DLG4: variants seen among roughly 807,000 people sequenced by gnomAD.
DLG4 encodes disks large homolog 4.
In DLG4, 7 loss-of-function variants were observed where a neutral mutation model predicts 93.8. The ratio of observed to expected loss-of-function variants is 0.07; its 90% CI spans 0.04 to 0.14. DLG4 has a LOEUF of 0.14. Ranked by LOEUF, DLG4 falls within the 10% of genes least tolerant of loss-of-function variation. The probability of loss-of-function intolerance (pLI) is 1.00; values close to 1 mark genes in which losing one functional copy is unlikely to be tolerated. For missense variants in DLG4, 545 were observed against 992.9 expected, an observed-to-expected ratio of 0.55 and a Z score of 6.06; for synonymous variants, 341 against 387.6, an observed-to-expected ratio of 0.88 and a Z score of 1.41.
At position 7,191,774 on chromosome 17, in the gene DLG4, A is replaced by AG. The variant is rs1238003835; in HGVS notation, c.1976+118dup. 2.1e-5 allele frequency: 15 copies of AG among 710,288 alleles called. No individual in the cohort carries two copies. Among genetic ancestry groups the AG allele is most frequent in the African/African-American group, 1.1e-4 (6 of 56,786 alleles). 44.0% of individuals were successfully genotyped at this position (710,288 alleles called of 1,614,324 possible). ...CCTCTGGGTTCCAGGGATCCCCCTC[A>AG]GGGGCTGCTGAAACCGCTGTCCAGG... On this transcript the variant is annotated intron_variant, in intron 18 of 19. Transcript: ENST00000399506. The surrounding 1 kb of genome is among the most constrained non-coding windows in gnomAD (Gnocchi z 6.6).
At chr17:7,215,756 G>A (rs889010186) in intron 1 of DLG4, among the ~76,000 whole-genome samples, 4 of 152,094 alleles carry the variant, frequency 2.6e-5, no homozygotes, top group Non-Finnish European at 5.9e-5. Flanking sequence ...GTACACACAT[G>A]TGTGAGTTTG....
In DLG4 at chr17:7,203,229, C is replaced by T; in HGVS notation, c.606G>A (p.Lys202=). The change falls in exon 7 of 20, where the codon AAG becomes AAA. Residue 202 remains lysine (K), a synonymous_variant. Coordinates refer to ENST00000399506, the MANE Select transcript of DLG4 (RefSeq NM_001321075.3). The surrounding 1 kb of genome is among the most constrained non-coding windows in gnomAD (Gnocchi z 7.2). ...TGTCTCCAATCTGCAACCTCCCATCCTTGTGGGCAGCACCCCCTTCGATGA... is the reference window on the plus strand; with the variant it reads ...TGTCTCCAATCTGCAACCTCCCATCTTTGTGGGCAGCACCCCCTTCGATGA... The part of the protein sequence containing the change: ...TKIIEGGAAH[K]DGRLQIGDKI... 4 of 1,609,358 alleles carry T rather than the reference C, an allele frequency of 2.5e-6. No individual in the cohort carries two copies. The highest frequency in any genetic ancestry group is 3.3e-5 in the Admixed American group (2 of 59,892).
At position 7,189,260 on chromosome 17, in the gene DLG4, G is replaced by A. The variant is rs536811818; in HGVS notation, c.*1448C>T. Among the ~76,000 whole-genome samples, 1 of 151,938 alleles carries A rather than the reference G, an allele frequency of 6.6e-6. No homozygotes were observed. The highest frequency in any genetic ancestry group is 2.4e-5 in the African/African-American group (1 of 41,446). On this transcript the variant is annotated 3_prime_UTR_variant, in exon 20 of 20. Transcript: ENST00000399506. The stretch of plus-strand genomic sequence containing the variant: ...TAATCCCAGCACTTTGGGAGGCTGA[G>A]GCGGGTGGATAACAAGGTCAGGAGT...
At chr17:7,211,833 GGGGGT>G (rs1265554370) in intron 1 of DLG4, 12 of 21,430 alleles carry the variant, frequency 5.6e-4, no homozygotes, top group South Asian at 3.0e-3. Context: ...GGGGGGGGGG[GGGGGT>G]GACGGCGCCT....
At chr17:7,192,772 G>A (rs576074155) in intron 17 of DLG4, among the ~76,000 whole-genome samples, 173 bp downstream of exon 17, 74 of 152,042 alleles carry the variant, frequency 4.9e-4, no homozygotes, top group African/African-American at 1.7e-3. Flanking sequence ...GAGAGCAGGG[G>A]CAGAGAGCAG....
rs776566644 is a variant in DLG4, at chr17:7,203,898, C to G, written c.211-82G>C. ...AAGTGGGGTGGGAAATGGCTTGGAG[C>G]AGCCAGAGGAGGAAGGCACAGGGTG... On this transcript the variant is annotated intron_variant, in intron 4 of 19. Coordinates refer to ENST00000399506, the MANE Select transcript of DLG4 (RefSeq NM_001321075.3). The surrounding 1 kb of genome is among the most constrained non-coding windows in gnomAD (Gnocchi z 7.2). The G allele has an allele frequency of 1.3e-5, 21 of 1,591,970 alleles. No homozygotes were observed. Among genetic ancestry groups the G allele is most frequent in the Non-Finnish European group, 1.7e-5 (20 of 1,168,942 alleles).
At chr17:7,219,271 C>A, upstream of DLG4, 1 of 520,204 alleles carries the variant, frequency 1.9e-6, no homozygotes. Context: ...CAGTTCCTCT[C>A]AGGCCCGGGA....
Position 7,190,366 on chromosome 17 carries a change from ATG to A in DLG4, c.*340_*341del, listed in dbSNP as rs1020298629. ...CCTCGAGGGGGCCCTGACTTCTGGAATGTGTGTGGGAGAGGATGGGGGAGGGC... is the reference window on the plus strand; with the variant it reads ...CCTCGAGGGGGCCCTGACTTCTGGAATGTGTGGGAGAGGATGGGGGAGGGC... On this transcript the variant is annotated 3_prime_UTR_variant, in exon 20 of 20. Coordinates refer to ENST00000399506, the MANE Select transcript of DLG4 (RefSeq NM_001321075.3). 9.4e-6 allele frequency: 3 copies of A among 317,932 alleles called. No homozygotes were observed. In the Admixed American group the frequency reaches 1.2e-4, roughly 13 times the overall value. 19.7% of individuals were successfully genotyped at this position (317,932 alleles called of 1,614,324 possible).
upstream of DLG4, chr17:7,219,536 T>C: frequency 9.3e-7 from 1 of 1,077,446 alleles, no homozygotes. Context: ...CCGAGATAGA[T>C]TTCATCAGGA....
At chr17:7,215,056 T>C (rs1489173739) in intron 1 of DLG4, among the ~76,000 whole-genome samples, 1 of 152,182 alleles carries the variant, frequency 6.6e-6, no homozygotes, top group Non-Finnish European at 1.5e-5. Flanking sequence ...CAGGCTCCTC[T>C]TGGGCTACCC....
upstream of DLG4, chr17:7,219,637 G>A (rs79809891): frequency 5.5e-3 from 6,815 of 1,239,582 alleles, 316 homozygotes; most frequent in African/African-American, 0.096. Context: ...CACCGGAGAA[G>A]CCCTCCCTTC....
In DLG4 at chr17:7,195,723, C is replaced by T. The variant is rs746885932; in HGVS notation, c.1301+497G>A. On this transcript the variant is annotated intron_variant, in intron 11 of 19. Coordinates refer to ENST00000399506, the MANE Select transcript of DLG4 (RefSeq NM_001321075.3). This position sits in a 1 kb window ranked among gnomAD's most constrained non-coding sequence, Gnocchi z 4.3. ...GAAGTGGAGGGGTGACCCCCGGGGG[C>T]GGGAGAGAGGTGTGTTTTGGCAGAA... Among the ~76,000 whole-genome samples, 6 of 151,856 alleles carry T rather than the reference C, an allele frequency of 4.0e-5. No individual in the cohort carries two copies. Among genetic ancestry groups the T allele is most frequent in the Non-Finnish European group, 8.8e-5 (6 of 67,986 alleles).
In DLG4 at chr17:7,217,172, G is replaced by A; in HGVS notation, c.-25C>T. The A allele has an allele frequency of 7.0e-6, 9 of 1,284,836 alleles. No homozygotes were observed. Among genetic ancestry groups the A allele is most frequent in the Non-Finnish European group, 8.9e-6 (9 of 1,011,892 alleles). The allele number at this position is 1,284,836 out of a possible 1,614,324, so 79.6% of individuals were successfully genotyped here. A position where few individuals can be genotyped will look rare whatever the true frequency, so the allele number is the denominator to read the frequency against. Reference sequence around the variant, plus strand: ...TGTTGGGGGGCCTGGCCGCGGCGGCGGGTAAGGGGCTCTGACTTCATCGGA... The same window carrying A: ...TGTTGGGGGGCCTGGCCGCGGCGGCAGGTAAGGGGCTCTGACTTCATCGGA... On this transcript the variant is annotated 5_prime_UTR_variant, in exon 1 of 20. Transcript: ENST00000399506.
intron 1 of DLG4, among the ~76,000 whole-genome samples, chr17:7,210,915 A>G (rs1211173098): frequency 1.3e-5 from 2 of 151,910 alleles, no homozygotes; most frequent in Non-Finnish European, 2.9e-5. Flanking sequence ...CGAGCCCCCA[A>G]TACCTCTCCC....
chr17:7,205,054 G>A (rs1043989235), intron 2 of DLG4: 2 of 985,394 alleles, frequency 2.0e-6, no homozygotes, highest in African/African-American at 3.5e-5. Flanking sequence ...CCTGCCCTGG[G>A]CCCCGCCCCA....
At position 7,199,550 on chromosome 17, in the gene DLG4, C is replaced by T. The variant is rs113585659; in HGVS notation, c.788-2498G>A. 2.3e-3 allele frequency among the ~76,000 whole-genome samples: 346 copies of T among 152,060 alleles called. 2 individuals are homozygous for T. The highest frequency in any genetic ancestry group is 7.9e-3 in the African/African-American group (328 of 41,494). ...ATCTTAAAGATTTTAATATATTTAACGAGTTTTCACTGGACAGTAGAAGCA... is the reference window on the plus strand; with the variant it reads ...ATCTTAAAGATTTTAATATATTTAATGAGTTTTCACTGGACAGTAGAAGCA... On this transcript the variant is annotated intron_variant, in intron 8 of 19. Transcript: ENST00000399506.
chr17:7,211,724 A>G, intron 1 of DLG4: 1 of 661,394 alleles, frequency 1.5e-6, no homozygotes, highest in Non-Finnish European at 1.8e-6. Flanking sequence ...GGACTGAGGG[A>G]AGGGGGTAGG....
At chr17:7,219,922 G>T (rs550196368), upstream of DLG4, 2 of 1,457,292 alleles carry the variant, frequency 1.4e-6, no homozygotes, top group East Asian at 2.5e-5. Context: ...GCCAGGACGT[G>T]GGCGTGCAGG....
Position 7,192,233 on chromosome 17 carries a change from G to A in DLG4, c.1867-231C>T. Reference sequence around the variant, plus strand: ...GATGGAGAGCACGGGAGAGGGCAGGGACAGGACAGAATGGAGGAAGGGAGG... The same window carrying A: ...GATGGAGAGCACGGGAGAGGGCAGGAACAGGACAGAATGGAGGAAGGGAGG... On this transcript the variant is annotated intron_variant, in intron 17 of 19. Transcript: ENST00000399506. 3 of 434,418 alleles carry A rather than the reference G, an allele frequency of 6.9e-6. No homozygotes were observed. In the South Asian group the frequency reaches 1.9e-4, roughly 28 times the overall value. The allele number at this position is 434,418 out of a possible 1,614,324, so 26.9% of individuals were successfully genotyped here. A position where few individuals can be genotyped will look rare whatever the true frequency, so the allele number is the denominator to read the frequency against.
Sources: allele counts gnomAD v4.1 joint callset (sites outside exome capture counted in the v4.1 genomes callset), GRCh38; gene constraint gnomAD v4.1.1; non-coding constraint Gnocchi (gnomAD v3.1); transcripts MANE v1.5; gene names NCBI Gene and HGNC (gene_info 2026-07-23, HGNC 2026-07-21).